The following UNC5D variants were observed in gnomAD, a reference collection of about 807,000 sequenced individuals.
UNC5D encodes netrin receptor UNC5D.
Under a neutral mutation model 105.4 loss-of-function variants are expected in UNC5D, and 39 were observed. The ratio of observed to expected loss-of-function variants is 0.37; its 90% CI spans 0.29 to 0.48. The LOEUF is 0.48. UNC5D is among the 20% of genes least tolerant of loss of function. UNC5D has a pLI of 0.98. For missense variants in UNC5D, 991 were observed against 1,202.4 expected (o/e 0.82, Z 2.60); for synonymous variants, 452 against 450.4 (o/e 1.00, Z -0.04).
chr8:35,441,085 G>A (rs1409658415), intron 1 of UNC5D, among the ~76,000 whole-genome samples: 1 of 151,888 alleles, frequency 6.6e-6, no homozygotes, highest in East Asian at 1.9e-4. Context: ...TGAACATTTG[G>A]TTTTCTTATA....
At chr8:35,771,010 C>A (rs985833450) in intron 15 of UNC5D, among the ~76,000 whole-genome samples, 3 of 152,158 alleles carry the variant, frequency 2.0e-5, no homozygotes, top group African/African-American at 7.2e-5. Flanking sequence ...TTACTTGGCC[C>A]AGATGTCTTT....
intron 11 of UNC5D, 33 bp from the exon 12 acceptor site, chr8:35,748,494 C>T (rs1210644877): frequency 6.2e-7 from 1 of 1,600,072 alleles, no homozygotes; most frequent in Non-Finnish European, 8.5e-7. Context: ...CCTCTACATA[C>T]TTCTCTCTTC....
intron 3 of UNC5D, among the ~76,000 whole-genome samples, chr8:35,591,960 C>T (rs1262429623): frequency 6.6e-6 from 1 of 152,172 alleles, no homozygotes; most frequent in African/African-American, 2.4e-5. Context: ...AGCCCAGGCT[C>T]CCTGCAATGT....
In UNC5D at chr8:35,335,756, A is replaced by ATTTTTTTTTTTTTTTTTT. The variant is rs35774459; in HGVS notation, c.103+99877_103+99894dup. Among the ~76,000 whole-genome samples the ATTTTTTTTTTTTTTTTTT allele has an allele frequency of 5.5e-5, 5 of 90,456 alleles. 1 individual carries two copies. Among genetic ancestry groups the ATTTTTTTTTTTTTTTTTT allele is most frequent in the Admixed American group, 1.5e-4 (1 of 6,456 alleles). 59.3% of individuals were successfully genotyped at this position (90,456 alleles called of 152,430 possible). A position where few individuals can be genotyped will look rare whatever the true frequency, so the allele number is the denominator to read the frequency against. ...GGATAGAATGAAATGAGAGATTGCAATTTTTTTTTTTTTTTTTTTTTTTTT... is the reference window on the plus strand; with the variant it reads ...GGATAGAATGAAATGAGAGATTGCAATTTTTTTTTTTTTTTTTTTTTTTTTTTTTTTTTTTTTTTTTTT... On this transcript the variant is annotated intron_variant, in intron 1 of 16. Transcript: ENST00000404895.
intron 1 of UNC5D, among the ~76,000 whole-genome samples, chr8:35,447,735 T>G (rs1352465977): frequency 6.6e-6 from 1 of 152,010 alleles, no homozygotes; most frequent in Admixed American, 6.6e-5. Flanking sequence ...GGTACTGACA[T>G]AGCAAGGAAA....
chr8:35,597,341 C>A (rs1303744181), intron 4 of UNC5D, among the ~76,000 whole-genome samples: 1 of 152,106 alleles, frequency 6.6e-6, no homozygotes, highest in Non-Finnish European at 1.5e-5. Context: ...TTTTGCTGCC[C>A]TATTGTTTCC....
chr8:35,726,731 T>G lies in UNC5D; in HGVS notation c.1681+202T>G, dbSNP rs1828901504. 15 of 741,962 alleles carry G rather than the reference T, an allele frequency of 2.0e-5. No individual in the cohort carries two copies. In the South Asian group the frequency reaches 2.9e-4, roughly 14 times the overall value. 46.0% of individuals were successfully genotyped at this position (741,962 alleles called of 1,614,324 possible). On this transcript the variant is annotated intron_variant, in intron 10 of 16. Transcript: ENST00000404895. ...AGATTTTGCAGTCTTCATCTCAGCA[T>G]GGATTGAATGCTCCCTTTGATTCCC...
chr8:35,519,600 T>C (rs1476778763), intron 1 of UNC5D, among the ~76,000 whole-genome samples: 1 of 152,150 alleles, frequency 6.6e-6, no homozygotes, highest in South Asian at 2.1e-4. Context: ...AGAATGTTCA[T>C]AGCAGAATTA....
chr8:35,775,896 G>A (rs573820771), intron 16 of UNC5D, among the ~76,000 whole-genome samples: 2 of 152,214 alleles, frequency 1.3e-5, no homozygotes, highest in Admixed American at 1.3e-4. Flanking sequence ...AGCCCGAAAA[G>A]AATAGACATA....
At chr8:35,750,002 G>A (rs1472465178) in intron 12 of UNC5D, among the ~76,000 whole-genome samples, 43 of 108,616 alleles carry the variant, frequency 4.0e-4, no homozygotes, top group African/African-American at 2.9e-3. Context: ...AAAAAAAAAA[G>A]TTTGCTTATT....
intron 1 of UNC5D, among the ~76,000 whole-genome samples, chr8:35,324,141 G>A (rs1289495514): frequency 6.7e-6 from 1 of 149,802 alleles, no homozygotes; most frequent in Non-Finnish European, 1.5e-5. Context: ...GGTGATGCAG[G>A]AGTATCACTG....
chr8:35,240,557 T>C (rs541071010), intron 1 of UNC5D, among the ~76,000 whole-genome samples: 19 of 152,278 alleles, frequency 1.2e-4, no homozygotes, highest in African/African-American at 3.9e-4. Context: ...GTACTGTGAT[T>C]ACCCCCATTG....
intron 15 of UNC5D, among the ~76,000 whole-genome samples, chr8:35,767,523 C>T (rs1801826049): frequency 6.6e-6 from 1 of 152,138 alleles, no homozygotes; most frequent in South Asian, 2.1e-4. Context: ...ATTTTATCTC[C>T]AGGGATGGGA....
At chr8:35,661,883 C>G (rs10102232) in intron 4 of UNC5D, among the ~76,000 whole-genome samples, 1,871 of 152,244 alleles carry the variant, frequency 0.012, 52 homozygotes, top group African/African-American at 0.043. Flanking sequence ...ATGGGCTCCT[C>G]CATCAGTGAA....
rs542013977 is a variant in UNC5D, at chr8:35,425,187, AAAAT to A, written c.104-124101_104-124098del. Among the ~76,000 whole-genome samples, 8 of 152,238 alleles carry A rather than the reference AAAAT, an allele frequency of 5.3e-5. No individual in the cohort carries two copies. The South Asian group carries it at 1.2e-3, about 24-fold the overall frequency. ...GTACCCTAAAACTTAAAGTATAATA[AAAAT>A]AAAAAGAAAAAAGAAATTGTTGCTT... On this transcript the variant is annotated intron_variant, in intron 1 of 16. Coordinates refer to ENST00000404895, the MANE Select transcript of UNC5D (RefSeq NM_080872.4).
chr8:35,331,051 G>C (rs1810588531), intron 1 of UNC5D, among the ~76,000 whole-genome samples: 1 of 152,038 alleles, frequency 6.6e-6, no homozygotes, highest in South Asian at 2.1e-4. Context: ...ATTAAGTCTT[G>C]ATTTGTTTTT....
chr8:35,434,469 C>T (rs568114129), intron 1 of UNC5D, among the ~76,000 whole-genome samples: 66 of 152,038 alleles, frequency 4.3e-4, no homozygotes, highest in African/African-American at 1.5e-3. Context: ...TGTTTTTAAA[C>T]TTCTCACCTG....
intron 1 of UNC5D, among the ~76,000 whole-genome samples, chr8:35,501,934 G>A (rs920878876): frequency 1.2e-4 from 18 of 152,174 alleles, no homozygotes; most frequent in Admixed American, 3.3e-4. Context: ...ATGATTATTT[G>A]TGATAACTTG....
intron 1 of UNC5D, among the ~76,000 whole-genome samples, chr8:35,467,586 A>AG (rs1554537825): frequency 1.3e-4 from 15 of 115,452 alleles, no homozygotes; most frequent in Middle Eastern, 4.3e-3. Flanking sequence ...AAAAAAAAAA[A>AG]AAAAAGAAGA....
Sources: allele counts gnomAD v4.1 joint callset (sites outside exome capture counted in the v4.1 genomes callset), GRCh38; gene constraint gnomAD v4.1.1; transcripts MANE v1.5; gene names NCBI Gene and HGNC (gene_info 2026-07-23, HGNC 2026-07-21).